The following SRGAP3 variants were observed in gnomAD, a reference collection of about 807,000 sequenced individuals.
SRGAP3 encodes SLIT-ROBO Rho GTPase-activating protein 3.
A neutral mutation model predicts 121.1 loss-of-function variants in SRGAP3; 39 were observed. The ratio of observed to expected loss-of-function variants is 0.32; its 90% confidence interval spans 0.25 to 0.42. The LOEUF (loss-of-function observed/expected upper bound fraction) is 0.42. Ranked by LOEUF, SRGAP3 falls within the 10% of genes least tolerant of loss-of-function variation. The pLI is 1.00. For synonymous variants in SRGAP3, 601 were observed against 570.0 expected, an observed-to-expected ratio of 1.05 and a Z score of -0.77; for missense variants, 1,213 against 1,470.6, an observed-to-expected ratio of 0.82 and a Z score of 2.86.
At chr3:9,266,667 G>GT (rs5846628) in intron 3 of SRGAP3, among the ~76,000 whole-genome samples, 54,605 of 150,770 alleles carry the variant, frequency 0.36, 11,019 homozygotes, top group Admixed American at 0.48. Context: ...TGGTTTTTGG[G>GT]TTTTTTTTTG....
rs1235737599 is a variant in SRGAP3, at chr3:9,038,099, A to C, written c.1409-9T>G. 1.2e-6 allele frequency: 2 copies of C among 1,614,206 alleles called. No individual in the cohort carries two copies. Among genetic ancestry groups the C allele is most frequent in the Non-Finnish European group, 8.5e-7 (1 of 1,180,032 alleles). On this transcript the variant is annotated splice_polypyrimidine_tract_variant and intron_variant, in intron 10 of 21. Transcript: ENST00000383836. ...GCATTCTGCTCTTTCCCCTGCAAAG[A>C]AAAGTATACATGAATGTTTAATTGC...
At chr3:9,159,781 G>A (rs77588321) in intron 1 of SRGAP3, among the ~76,000 whole-genome samples, 1,609 of 152,234 alleles carry the variant, frequency 0.011, 14 homozygotes, top group Middle Eastern at 0.027. Context: ...CTATAAGTGC[G>A]CCACATGGAG....
upstream of SRGAP3, among the ~76,000 whole-genome samples, chr3:9,253,736 A>G (rs1282636583): frequency 6.6e-6 from 1 of 152,220 alleles, no homozygotes; most frequent in Non-Finnish European, 1.5e-5. Flanking sequence ...AATAGAATTA[A>G]TAGTGATGAT....
intron 1 of SRGAP3, among the ~76,000 whole-genome samples, chr3:9,125,394 C>T (rs1949184324): frequency 1.3e-5 from 2 of 152,224 alleles, no homozygotes; most frequent in South Asian, 4.1e-4. Context: ...ACCAAAGGCT[C>T]TAAGCCTAAG....
chr3:9,142,943 T>G (rs1016467357), intron 1 of SRGAP3, among the ~76,000 whole-genome samples: 1 of 147,284 alleles, frequency 6.8e-6, no homozygotes, highest in African/African-American at 2.5e-5. Context: ...GCTCAAGTGA[T>G]CCTCCCACTT....
At chr3:9,136,399 CCCCCCCCCCGACCGCCCCG>C (rs1331269131) in intron 1 of SRGAP3, among the ~76,000 whole-genome samples, 9 of 64,056 alleles carry the variant, frequency 1.4e-4, no homozygotes, top group Non-Finnish European at 2.7e-4. Context: ...CTGGGACCCC[CCCCCCCCCCGACCGCCCCG>C]CCCCGCCCCG....
At chr3:9,358,729 T>G (rs567560315) in intron 1 of SRGAP3, among the ~76,000 whole-genome samples, 1 of 152,352 alleles carries the variant, frequency 6.6e-6, no homozygotes, top group South Asian at 2.1e-4. Flanking sequence ...TGACCCCCTC[T>G]TTGGGTTCAA....
At chr3:9,185,637 T>A (rs1951571990) in intron 1 of SRGAP3, among the ~76,000 whole-genome samples, 1 of 151,686 alleles carries the variant, frequency 6.6e-6, no homozygotes, top group African/African-American at 2.4e-5. Flanking sequence ...ACTCAATCAA[T>A]CCTCCTTCTT....
intron 1 of SRGAP3, among the ~76,000 whole-genome samples, chr3:9,236,671 C>A (rs894598966): frequency 5.9e-5 from 9 of 152,044 alleles, no homozygotes; most frequent in Non-Finnish European, 1.2e-4. Context: ...GAGGTCTCCC[C>A]AGAACCCAAG....
At chr3:9,114,669 T>A (rs1419072291) in intron 2 of SRGAP3, among the ~76,000 whole-genome samples, 1 of 151,120 alleles carries the variant, frequency 6.6e-6, no homozygotes, top group East Asian at 1.9e-4. Context: ...CAAAAAACTC[T>A]GCCTCATAGG....
At chr3:9,104,375 T>TA (rs1948331544) in intron 3 of SRGAP3, among the ~76,000 whole-genome samples, 1 of 152,242 alleles carries the variant, frequency 6.6e-6, no homozygotes, top group Non-Finnish European at 1.5e-5. Flanking sequence ...TTTGTGTGTG[T>TA]GCTCATCGTC....
chr3:8,988,737 G>C (rs1215298120), intron 21 of SRGAP3, among the ~76,000 whole-genome samples: 1 of 136,722 alleles, frequency 7.3e-6, no homozygotes, highest in African/African-American at 3.3e-5. Flanking sequence ...TCCACAGATG[G>C]GGGGTCAGGA....
intron 9 of SRGAP3, among the ~76,000 whole-genome samples, chr3:9,047,943 C>G (rs1373826027): frequency 6.6e-6 from 1 of 152,270 alleles, no homozygotes; most frequent in Non-Finnish European, 1.5e-5. Flanking sequence ...TTCCTTTCAT[C>G]TGGCCCCACT....
chr3:9,126,068 C>G (rs1318834151), intron 1 of SRGAP3, among the ~76,000 whole-genome samples: 1 of 152,182 alleles, frequency 6.6e-6, no homozygotes, highest in Non-Finnish European at 1.5e-5. Context: ...TGGGGCAGAA[C>G]TACTCTGGGG....
chr3:9,347,036 C>T (rs1211890210), intron 1 of SRGAP3, among the ~76,000 whole-genome samples: 6 of 152,200 alleles, frequency 3.9e-5, no homozygotes, highest in South Asian at 2.1e-4. Context: ...TCAGGTGATC[C>T]GCCCACCTCG....
intron 1 of SRGAP3, among the ~76,000 whole-genome samples, chr3:9,360,565 A>C (rs2030744274): frequency 6.6e-6 from 1 of 152,216 alleles, no homozygotes; most frequent in Non-Finnish European, 1.5e-5. Flanking sequence ...GGCAATTTGC[A>C]AAAGAAAGAG....
At chr3:9,137,991 G>A (rs1949724589) in intron 1 of SRGAP3, among the ~76,000 whole-genome samples, 1 of 152,200 alleles carries the variant, frequency 6.6e-6, no homozygotes. Flanking sequence ...TGAAGAATCA[G>A]ATCCATTTAA....
At chr3:9,075,363 G>T (rs1440371085) in intron 4 of SRGAP3, among the ~76,000 whole-genome samples, 1 of 146,208 alleles carries the variant, frequency 6.8e-6, no homozygotes, top group Admixed American at 6.6e-5. Flanking sequence ...AACTGCACAT[G>T]CATGTATGCA....
chr3:9,101,859 C>CT (rs1041939779), intron 3 of SRGAP3, among the ~76,000 whole-genome samples: 4 of 152,070 alleles, frequency 2.6e-5, no homozygotes, highest in African/African-American at 9.7e-5. Context: ...ACATCTCACA[C>CT]TTAAAGCAAG....
Sources: gnomAD v4.1 joint callset for allele counts (sites outside exome capture counted in the v4.1 genomes callset) on GRCh38, gnomAD v4.1.1 for gene constraint, MANE v1.5 for transcripts, NCBI Gene and HGNC (gene_info 2026-07-23, HGNC 2026-07-21) for gene names.